The following LIN52 variants were observed in gnomAD, a reference collection of about 807,000 sequenced individuals.
LIN52 encodes protein lin-52 homolog.
A neutral mutation model predicts 18.5 loss-of-function variants in LIN52; 4 were observed. The observed-to-expected ratio is 0.22, with a 90% CI of 0.11 to 0.49. The LOEUF is 0.49. Ranked by LOEUF, LIN52 falls within the 20% of genes least tolerant of loss-of-function variation. The probability of loss-of-function intolerance (pLI) is 0.97; values close to 1 mark genes in which losing one functional copy is unlikely to be tolerated. For missense variants in LIN52, 102 were observed against 139.5 expected (o/e 0.73, Z 1.35); for synonymous variants, 34 against 45.5 (o/e 0.75, Z 1.02).
intron 5 of LIN52, among the ~76,000 whole-genome samples, chr14:74,149,061 C>G (rs1291505468): frequency 2.0e-5 from 3 of 152,218 alleles, no homozygotes; most frequent in African/African-American, 7.2e-5. Context: ...TAAATGTTAA[C>G]TTCCTGTGAC....
chr14:74,119,898 C>T (rs572676704), intron 5 of LIN52, among the ~76,000 whole-genome samples: 3 of 150,994 alleles, frequency 2.0e-5, no homozygotes, highest in South Asian at 4.2e-4. Flanking sequence ...TGCAATGGCA[C>T]GATCTCAGCT....
intron 5 of LIN52, among the ~76,000 whole-genome samples, chr14:74,157,818 C>A (rs1011590075): frequency 2.5e-5 from 3 of 119,244 alleles, no homozygotes; most frequent in Non-Finnish European, 3.7e-5. Context: ...CCAGGCTTTC[C>A]GTAGTGTCAT....
Position 74,199,088 on chromosome 14 carries a change from T to C in LIN52, c.*111T>C. ...CTTGGGAGAGGCCAGAGGGTGTACC[T>C]CCAGGACTGCCCTCTCCCCTGCTCC... On this transcript the variant is annotated 3_prime_UTR_variant, in exon 6 of 6. Coordinates refer to ENST00000555028, the MANE Select transcript of LIN52 (RefSeq NM_001024674.3). 4.0e-6 allele frequency: 3 copies of C among 745,268 alleles called. No individual in the cohort carries two copies. The highest frequency in any genetic ancestry group is 2.5e-5 in the East Asian group (1 of 39,904). The allele number at this position is 745,268 out of a possible 1,614,324, so 46.2% of individuals were successfully genotyped here. A position where few individuals can be genotyped will look rare whatever the true frequency, so the allele number is the denominator to read the frequency against.
At chr14:74,093,296 C>T (rs997813755) in intron 2 of LIN52, among the ~76,000 whole-genome samples, 4 of 149,432 alleles carry the variant, frequency 2.7e-5, no homozygotes, top group African/African-American at 9.9e-5. Context: ...ATATATAAAG[C>T]GTTTTCTCAC....
chr14:74,105,652 G>A (rs2060892819), intron 5 of LIN52, among the ~76,000 whole-genome samples: 1 of 151,408 alleles, frequency 6.6e-6, no homozygotes, highest in Admixed American at 6.6e-5. Context: ...CTAATCTGGT[G>A]TTTCAATGTC....
intron 5 of LIN52, among the ~76,000 whole-genome samples, chr14:74,122,486 A>C (rs2061005833): frequency 6.6e-6 from 1 of 152,196 alleles, no homozygotes; most frequent in African/African-American, 2.4e-5. Context: ...TTTATTTAAA[A>C]TATGTTAGGA....
chr14:74,085,747 T>A (rs753718026), intron 1 of LIN52: 1 of 152,374 alleles, frequency 6.6e-6, no homozygotes, highest in East Asian at 1.9e-4. Flanking sequence ...TTCCTCTTGG[T>A]TCTGCTTTAG....
intron 5 of LIN52, among the ~76,000 whole-genome samples, chr14:74,188,938 C>T (rs1187175637): frequency 6.6e-6 from 1 of 152,134 alleles, no homozygotes; most frequent in Non-Finnish European, 1.5e-5. Flanking sequence ...GAAGACTAGG[C>T]CTTCATCATC....
At chr14:74,186,804 C>A (rs1566870286) in intron 5 of LIN52, among the ~76,000 whole-genome samples, 1 of 152,182 alleles carries the variant, frequency 6.6e-6, no homozygotes, top group Non-Finnish European at 1.5e-5. Flanking sequence ...TTTGGCCAGG[C>A]ATGGTGGTTC....
At chr14:74,174,457 C>T (rs1440394319) in intron 5 of LIN52, 1 of 152,354 alleles carries the variant, frequency 6.6e-6, no homozygotes, top group African/African-American at 2.4e-5. Flanking sequence ...TACAGTATAG[C>T]TGGGCATGGT....
intron 5 of LIN52, among the ~76,000 whole-genome samples, chr14:74,148,894 G>A (rs2061164512): frequency 6.6e-6 from 1 of 152,200 alleles, no homozygotes; most frequent in African/African-American, 2.4e-5. Flanking sequence ...AAAGAGATAA[G>A]AAAGCCACCA....
intron 5 of LIN52, among the ~76,000 whole-genome samples, chr14:74,105,457 A>G (rs1245751253): frequency 6.6e-6 from 1 of 152,208 alleles, no homozygotes; most frequent in Non-Finnish European, 1.5e-5. Flanking sequence ...TCGTGAATTT[A>G]GCTGACATGA....
At chr14:74,181,224 T>C (rs1420738056) in intron 5 of LIN52, among the ~76,000 whole-genome samples, 1 of 151,562 alleles carries the variant, frequency 6.6e-6, no homozygotes, top group East Asian at 1.9e-4. Flanking sequence ...GAGGATCACT[T>C]ATTAAGGTCA....
At chr14:74,124,775 C>T (rs1350415493) in intron 5 of LIN52, among the ~76,000 whole-genome samples, 1 of 140,962 alleles carries the variant, frequency 7.1e-6, no homozygotes. Flanking sequence ...TGCACCACTG[C>T]ACCCCAGCCT....
chr14:74,180,262 A>AT (rs5809652), intron 5 of LIN52, among the ~76,000 whole-genome samples: 3,522 of 119,698 alleles, frequency 0.029, 219 homozygotes, highest in African/African-American at 0.097. Context: ...GGGAGGAGGA[A>AT]TTTTTTTTTT....
chr14:74,144,692 C>T (rs941296869), intron 5 of LIN52, among the ~76,000 whole-genome samples: 1 of 152,084 alleles, frequency 6.6e-6, no homozygotes, highest in Non-Finnish European at 1.5e-5. Flanking sequence ...TGTGATAACT[C>T]ATAGTGTATC....
At chr14:74,122,657 G>C (rs1286665887) in intron 5 of LIN52, among the ~76,000 whole-genome samples, 4 of 152,098 alleles carry the variant, frequency 2.6e-5, no homozygotes, top group African/African-American at 7.2e-5. Flanking sequence ...CTTGAGGTCA[G>C]GAGTTTGAGA....
intron 5 of LIN52, among the ~76,000 whole-genome samples, chr14:74,187,918 C>T (rs1191002790): frequency 6.6e-6 from 1 of 152,114 alleles, no homozygotes; most frequent in Non-Finnish European, 1.5e-5. Flanking sequence ...GCATGGAGAG[C>T]CTACATAATT....
intron 2 of LIN52, among the ~76,000 whole-genome samples, chr14:74,095,048 TAGCTTACTGC>T (rs1725694091): frequency 6.7e-6 from 1 of 150,242 alleles, no homozygotes; most frequent in Non-Finnish European, 1.5e-5. Context: ...GTCACGATGA[TAGCTTACTGC>T]AGCCTCCAAC....
Sources: allele counts gnomAD v4.1 joint callset (sites outside exome capture counted in the v4.1 genomes callset), GRCh38; gene constraint gnomAD v4.1.1; transcripts MANE v1.5; gene names NCBI Gene and HGNC (gene_info 2026-07-23, HGNC 2026-07-21).